Variants in AADAT observed in about 807,000 individuals in gnomAD.
AADAT encodes the protein kynurenine/alpha-aminoadipate aminotransferase, mitochondrial.
In AADAT, 25 loss-of-function variants were observed where a neutral mutation model predicts 56.2. The ratio of observed to expected loss-of-function variants is 0.44; its 90% CI spans 0.32 to 0.62. AADAT has a LOEUF of 0.62. Ranked by LOEUF, AADAT falls within the 20% of genes least tolerant of loss-of-function variation. The pLI is 0.04. For synonymous variants in AADAT, 173 were observed against 164.7 expected (o/e 1.05, Z -0.39); for missense variants, 387 against 510.5 (o/e 0.76, Z 2.33).
chr4:170,066,385 T>C, intron 10 of AADAT, 29 bp downstream of exon 10: 5 of 1,595,066 alleles, frequency 3.1e-6, no homozygotes, highest in Non-Finnish European at 4.3e-6. Context: ...CTACTGTTTA[T>C]CATGAGGACG....
chr4:170,082,101 A>C (rs1118262), intron 3 of AADAT, among the ~76,000 whole-genome samples: 4 of 152,202 alleles, frequency 2.6e-5, no homozygotes, highest in African/African-American at 7.2e-5. Context: ...AATTAAGTAC[A>C]TGGACAAACC....
rs142229838 is a variant in AADAT at position 170,067,378 on chromosome 4, G to A, written c.911C>T (p.Ser304Leu). 6 of 1,612,876 alleles carry A rather than the reference G, an allele frequency of 3.7e-6. No individual in the cohort carries two copies. The African/African-American group carries it at 6.7e-5, about 18-fold the overall frequency. ...TTCTCCCCATTCGTGTAGAAGCTGTGATATCATGAGCTAAAAGAGATAAAA... is the reference window on the plus strand; with the variant it reads ...TTCTCCCCATTCGTGTAGAAGCTGTAATATCATGAGCTAAAAGAGATAAAA... ...HPSTFNQLMI[S>L]QLLHEWGEEG... The change falls in exon 9 of 13, where the codon TCA becomes TTA. Residue 304 changes from serine to leucine, a missense_variant. Ser to Leu is a moderately radical substitution (Grantham distance 145, BLOSUM62 -2). Coordinates refer to ENST00000337664, the MANE Select transcript of AADAT (RefSeq NM_016228.4).
At chr4:170,073,621 C>T (rs1017137346) in intron 4 of AADAT, among the ~76,000 whole-genome samples, 26 of 151,806 alleles carry the variant, frequency 1.7e-4, no homozygotes, top group Non-Finnish European at 3.1e-4. Flanking sequence ...GCTTTAGCCT[C>T]CCGAGTAGCT....
intron 3 of AADAT, among the ~76,000 whole-genome samples, chr4:170,080,875 T>C (rs146821361): frequency 2.7e-4 from 41 of 152,172 alleles, no homozygotes; most frequent in African/African-American, 9.6e-4. Flanking sequence ...AACTAATCCT[T>C]TAATGCAAAA....
chr4:170,064,207 T>C (rs1245426712), intron 11 of AADAT, among the ~76,000 whole-genome samples: 1 of 150,844 alleles, frequency 6.6e-6, no homozygotes, highest in Non-Finnish European at 1.5e-5. Context: ...GAGTATACTT[T>C]ATCTCCATCA....
At chr4:170,070,971 G>A (rs1731731809) in intron 5 of AADAT, among the ~76,000 whole-genome samples, 1 of 152,192 alleles carries the variant, frequency 6.6e-6, no homozygotes, top group Non-Finnish European at 1.5e-5. Flanking sequence ...GGAGTGCAGT[G>A]GCGCGATCTT....
In AADAT at chr4:170,088,411, T is replaced by C; in HGVS notation, c.221A>G (p.Tyr74Cys). 6.2e-7 allele frequency: 1 copy of C among 1,606,656 alleles called. No homozygotes were observed. The highest frequency in any genetic ancestry group is 8.5e-7 in the Non-Finnish European group (1 of 1,173,778). The change falls in exon 2 of 13, where the codon TAT (tyrosine) becomes TGT (cysteine). Residue 74 changes from tyrosine to cysteine, a missense_variant. By Grantham distance (194) the Tyr-to-Cys change is radical. Transcript: ENST00000337664. ...TGATACTTACCCAGCACTCGGAGAA[T>C]ACTGAAGTGCTCTCTTCATCATCTC... ...GEEMMKRALQ[Y>C]SPSAGIPELL...
intron 3 of AADAT, among the ~76,000 whole-genome samples, chr4:170,079,354 A>G (rs912942372): frequency 6.6e-6 from 1 of 152,236 alleles, no homozygotes; most frequent in South Asian, 2.1e-4. Context: ...CCAACCATGT[A>G]GGCATTTGAG....
At chr4:170,086,184 T>G (rs1326406366) in intron 3 of AADAT, among the ~76,000 whole-genome samples, 1 of 151,374 alleles carries the variant, frequency 6.6e-6, no homozygotes, top group African/African-American at 2.4e-5. Context: ...AGGTCGAGAC[T>G]GCAGGGAGCC....
chr4:170,087,737 T>C (rs1326192082), intron 2 of AADAT, among the ~76,000 whole-genome samples: 1 of 152,106 alleles, frequency 6.6e-6, no homozygotes, highest in Non-Finnish European at 1.5e-5. Context: ...CAGGTTTTAA[T>C]AAAGTATAAT....
chr4:170,073,047 C>T, intron 5 of AADAT, 89 bp downstream of exon 5: 1 of 1,241,042 alleles, frequency 8.1e-7, no homozygotes, highest in Non-Finnish European at 1.1e-6. Flanking sequence ...AAGCAAAAGG[C>T]TAAGAAGAAA....
intron 3 of AADAT, among the ~76,000 whole-genome samples, chr4:170,086,614 G>A (rs759819996): frequency 3.3e-5 from 5 of 152,090 alleles, no homozygotes; most frequent in Non-Finnish European, 7.4e-5. Context: ...AACTATAGGC[G>A]GAAATCAAAC....
intron 6 of AADAT, among the ~76,000 whole-genome samples, chr4:170,069,879 C>A (rs35569089): frequency 0.011 from 1,633 of 152,194 alleles, 10 homozygotes; most frequent in Non-Finnish European, 0.017. Context: ...AGTATATGTT[C>A]TTTGCAGCCC....
At chr4:170,072,211 CTG>C (rs1471431485) in intron 5 of AADAT, among the ~76,000 whole-genome samples, 1 of 151,082 alleles carries the variant, frequency 6.6e-6, no homozygotes, top group South Asian at 2.1e-4. Context: ...AAGAACATGA[CTG>C]TGTGTGTGTA....
intron 10 of AADAT, 85 bp downstream of exon 10, chr4:170,066,329 A>G (rs1325389048): frequency 8.6e-7 from 1 of 1,165,720 alleles, no homozygotes. Flanking sequence ...CTTTTCCACC[A>G]GGATTGTTAG....
chr4:170,088,077 T>A (rs1223760322), intron 2 of AADAT, among the ~76,000 whole-genome samples: 1 of 151,780 alleles, frequency 6.6e-6, no homozygotes, highest in African/African-American at 2.4e-5. Context: ...GACTCAGCTC[T>A]AATGGTATTT....
At chr4:170,061,446 C>T (rs1731183810) in intron 12 of AADAT, among the ~76,000 whole-genome samples, 1 of 152,134 alleles carries the variant, frequency 6.6e-6, no homozygotes, top group South Asian at 2.1e-4. Flanking sequence ...CAATTTATAG[C>T]TCTTCTGTTT....
intron 11 of AADAT, among the ~76,000 whole-genome samples, chr4:170,063,966 A>C (rs1731319595): frequency 6.6e-6 from 1 of 152,142 alleles, no homozygotes; most frequent in Admixed American, 6.6e-5. Flanking sequence ...AGGAAAAAAA[A>C]AAGAAACCTA....
At chr4:170,069,268 GCT>G (rs771910650) in intron 6 of AADAT, 38 bp from the exon 7 acceptor site, 33 of 1,535,362 alleles carry the variant, frequency 2.1e-5, no homozygotes, top group Non-Finnish European at 2.7e-5. Context: ...TGGTCTGAAA[GCT>G]CTGTTAGTCA....
Sources: allele counts gnomAD v4.1 joint callset (sites outside exome capture counted in the v4.1 genomes callset), GRCh38; gene constraint gnomAD v4.1.1; transcripts MANE v1.5; gene names NCBI Gene and HGNC (gene_info 2026-07-23, HGNC 2026-07-21).